Variants in ADCY1 observed in about 807,000 individuals in gnomAD.
The protein encoded by ADCY1 is adenylate cyclase type 1.
Under a neutral mutation model 105.4 loss-of-function variants are expected in ADCY1, and 28 were observed. That is an observed-to-expected ratio of 0.27 (90% CI 0.20 to 0.36). The LOEUF is 0.36. Among genes scored for constraint, ADCY1 ranks in the 10% least tolerant of loss-of-function variants. The pLI is 1.00. For missense variants in ADCY1, 977 were observed against 1,434.2 expected (o/e 0.68, Z 5.15); for synonymous variants, 655 against 623.8 (o/e 1.05, Z -0.75).
intron 11 of ADCY1, among the ~76,000 whole-genome samples, chr7:45,683,143 C>T (rs1784594411): frequency 6.6e-6 from 1 of 152,174 alleles, no homozygotes. Flanking sequence ...GATTTGAATT[C>T]TCCGCTGCTT....
At chr7:45,662,278 C>G in intron 8 of ADCY1, 64 bp downstream of exon 8, 1 of 1,525,186 alleles carries the variant, frequency 6.6e-7, no homozygotes, top group South Asian at 1.2e-5. Context: ...TCCTGCCCTC[C>G]CAATATGGCC....
At chr7:45,605,314 CT>C (rs1793345517) in intron 2 of ADCY1, among the ~76,000 whole-genome samples, 1 of 152,108 alleles carries the variant, frequency 6.6e-6, no homozygotes, top group East Asian at 1.9e-4. Context: ...ATCTGTATGC[CT>C]TTTCTTTCCT....
intron 3 of ADCY1, among the ~76,000 whole-genome samples, chr7:45,614,262 A>C (rs1202084787): frequency 1.3e-5 from 2 of 152,172 alleles, no homozygotes; most frequent in East Asian, 3.8e-4. Flanking sequence ...CATAAAATAA[A>C]TTATGAAGAA....
intron 14 of ADCY1, among the ~76,000 whole-genome samples, chr7:45,694,188 C>A (rs1784837996): frequency 6.7e-6 from 1 of 149,070 alleles, no homozygotes. Flanking sequence ...CACTATCCAA[C>A]AGCAACAGAA....
intron 3 of ADCY1, among the ~76,000 whole-genome samples, chr7:45,617,843 G>A (rs1339096270): frequency 6.6e-6 from 1 of 152,102 alleles, no homozygotes; most frequent in African/African-American, 2.4e-5. Context: ...CTCTATCAAA[G>A]TATCAGTGAT....
At chr7:45,712,950 G>A (rs1445173488) in intron 19 of ADCY1, among the ~76,000 whole-genome samples, 5 of 151,952 alleles carry the variant, frequency 3.3e-5, no homozygotes, top group South Asian at 4.2e-4. Flanking sequence ...GCTGCCCTCC[G>A]TATGCTGGTC....
chr7:45,695,870 C>T (rs934185875), intron 14 of ADCY1, among the ~76,000 whole-genome samples: 4 of 152,246 alleles, frequency 2.6e-5, no homozygotes, highest in African/African-American at 9.6e-5. Context: ...CACAGTTTTG[C>T]TAATCTATGA....
In ADCY1 at chr7:45,663,497, G is replaced by A. The variant is rs550897286; in HGVS notation, c.1605+1283G>A. Among the ~76,000 whole-genome samples, 20 of 152,306 alleles carry A rather than the reference G, an allele frequency of 1.3e-4. No individual in the cohort carries two copies. In the South Asian group the frequency reaches 2.9e-3, roughly 22 times the overall value. On this transcript the variant is annotated intron_variant, in intron 8 of 19. Transcript: ENST00000297323. ...CTCTAGGTGGCGGTGTTGCACAAGG[G>A]CCCAGTCGCAGCCAGGCGGGCGGGA...
chr7:45,617,208 G>T (rs1456041803), intron 3 of ADCY1, among the ~76,000 whole-genome samples: 1 of 152,232 alleles, frequency 6.6e-6, no homozygotes, highest in Non-Finnish European at 1.5e-5. Flanking sequence ...TGGAACTGGA[G>T]CAAAGCAGGG....
chr7:45,711,922 TA>T (rs1785253313), intron 19 of ADCY1, among the ~76,000 whole-genome samples: 1 of 120,792 alleles, frequency 8.3e-6, no homozygotes, highest in Non-Finnish European at 1.6e-5. Context: ...AAATATATTA[TA>T]TATTATATTA....
At chr7:45,636,067 A>C (rs527245046) in intron 4 of ADCY1, among the ~76,000 whole-genome samples, 1 of 152,178 alleles carries the variant, frequency 6.6e-6, no homozygotes, top group Admixed American at 6.5e-5. Flanking sequence ...ATTATTAAGA[A>C]ATGACCTTCT....
chr7:45,713,150 GC>G (rs1785296077), intron 19 of ADCY1, among the ~76,000 whole-genome samples: 1 of 152,160 alleles, frequency 6.6e-6, no homozygotes, highest in Non-Finnish European at 1.5e-5. Context: ...CATTCTGTAT[GC>G]CCTACTTGTA....
intron 5 of ADCY1, among the ~76,000 whole-genome samples, chr7:45,653,968 C>T (rs71548294): frequency 2.0e-5 from 3 of 152,142 alleles, no homozygotes; most frequent in South Asian, 2.1e-4. Flanking sequence ...ATCCTTCAGG[C>T]GATGCTTCAG....
chr7:45,678,136 C>G (rs1170692328), intron 9 of ADCY1, 30 bp from the exon 10 acceptor site: 1 of 1,613,986 alleles, frequency 6.2e-7, no homozygotes, highest in Admixed American at 1.7e-5. Context: ...AAGCCCTCAG[C>G]CCTGATGGAT....
At chr7:45,627,345 C>T (rs1794090711) in intron 4 of ADCY1, among the ~76,000 whole-genome samples, 1 of 152,208 alleles carries the variant, frequency 6.6e-6, no homozygotes, top group Non-Finnish European at 1.5e-5. Flanking sequence ...GGCCTCTGAC[C>T]TTTCACCAGC....
intron 17 of ADCY1, 65 bp downstream of exon 17, chr7:45,704,681 G>A: frequency 7.5e-7 from 1 of 1,335,694 alleles, no homozygotes; most frequent in South Asian, 1.2e-5. Context: ...ACTGCTCTGG[G>A]ACCCTGGGTA....
At position 45,622,713 on chromosome 7, in the gene ADCY1, G is replaced by A. The variant is rs1338357061; in HGVS notation, c.990G>A (p.Glu330=). The A allele has an allele frequency of 5.6e-6, 9 of 1,609,778 alleles. No homozygotes were observed. In the East Asian group the frequency reaches 1.8e-4, roughly 33 times the overall value. ...AGGAGCTGGTGAAACTCCTCAATGA[G>A]CTCTTCGGCAAGTTCGATGAATTAG... ...TAQELVKLLN[E]LFGKFDELAT... The change falls in exon 4 of 20, where the codon GAG becomes GAA. Residue 330 remains glutamate (E), a synonymous_variant. Coordinates refer to ENST00000297323, the MANE Select transcript of ADCY1 (RefSeq NM_021116.4).
At chr7:45,594,566 G>GTT (rs1793019704) in intron 2 of ADCY1, among the ~76,000 whole-genome samples, 1 of 151,988 alleles carries the variant, frequency 6.6e-6, no homozygotes, top group Non-Finnish European at 1.5e-5. Context: ...CTACTTCTGT[G>GTT]TTGGTCTTTT....
chr7:45,692,519 G>A (rs1428703999), intron 14 of ADCY1, among the ~76,000 whole-genome samples: 3 of 152,232 alleles, frequency 2.0e-5, no homozygotes, highest in Admixed American at 6.5e-5. Context: ...CACCCCTGAG[G>A]CTTAAAGGAT....
Sources: allele counts gnomAD v4.1 joint callset (sites outside exome capture counted in the v4.1 genomes callset), GRCh38; gene constraint gnomAD v4.1.1; transcripts MANE v1.5; gene names NCBI Gene and HGNC (gene_info 2026-07-23, HGNC 2026-07-21).